LUC7L2: variants seen among roughly 807,000 people sequenced by gnomAD.
LUC7L2 encodes LUC7 like 2, pre-mRNA splicing factor.
LUC7L2 carries 25 observed loss-of-function variants against 52.8 expected under a neutral mutation model. The ratio of observed to expected loss-of-function variants is 0.47; its 90% confidence interval spans 0.34 to 0.66. The LOEUF is 0.66. Ranked by LOEUF, LUC7L2 falls within the 30% of genes least tolerant of loss-of-function variation. The probability of loss-of-function intolerance (pLI) is 0.01; values close to 1 mark genes in which losing one functional copy is unlikely to be tolerated. For missense variants in LUC7L2, 328 were observed against 497.8 expected, an observed-to-expected ratio of 0.66 and a Z score of 3.25; for synonymous variants, 144 against 160.9, an observed-to-expected ratio of 0.89 and a Z score of 0.80.
At chr7:139,388,688 C>A (rs1231594964) in intron 2 of LUC7L2, among the ~76,000 whole-genome samples, 1 of 150,384 alleles carries the variant, frequency 6.6e-6, no homozygotes, top group East Asian at 1.9e-4. Flanking sequence ...CCTGTTATTA[C>A]ATCAAAATCA....
rs747612253 is a variant in LUC7L2 at position 139,417,700 on chromosome 7, A to G, written c.972A>G (p.Arg324=). Reference sequence around the variant, plus strand: ...ACCAGAGAAGTCGGCACAGTTCTAGAGATAGGAGCAGAGAACGATCCAAGA... The same window carrying G: ...ACCAGAGAAGTCGGCACAGTTCTAGGGATAGGAGCAGAGAACGATCCAAGA... ...RSHQRSRHSS[R]DRSRERSKRR... Residue 324 remains arginine, a synonymous_variant, in exon 9 of 10, where the codon AGA becomes AGG. Coordinates refer to ENST00000354926, the MANE Select transcript of LUC7L2 (RefSeq NM_016019.5). 1 of 1,614,188 alleles carries G rather than the reference A, an allele frequency of 6.2e-7. No homozygotes were observed. Among genetic ancestry groups the G allele is most frequent in the South Asian group, 1.1e-5 (1 of 91,086 alleles).
chr7:139,383,492 A>G (rs1801150313), intron 2 of LUC7L2, among the ~76,000 whole-genome samples: 1 of 151,308 alleles, frequency 6.6e-6, no homozygotes, highest in Admixed American at 6.6e-5. Flanking sequence ...GCTCACTTCA[A>G]CCTCTGCCTC....
chr7:139,421,257 T>TGGTA (rs1211165245), intron 9 of LUC7L2, among the ~76,000 whole-genome samples: 1 of 152,232 alleles, frequency 6.6e-6, no homozygotes. Flanking sequence ...TTCAGGTTCT[T>TGGTA]GGTAGTGCCT....
At chr7:139,391,432 C>A (rs775477215) in intron 2 of LUC7L2, among the ~76,000 whole-genome samples, 2 of 152,190 alleles carry the variant, frequency 1.3e-5, no homozygotes, top group African/African-American at 4.8e-5. Context: ...TTTATATATT[C>A]ATTAACATAT....
intron 2 of LUC7L2, among the ~76,000 whole-genome samples, chr7:139,384,391 G>A (rs1038584473): frequency 4.6e-5 from 7 of 151,862 alleles, no homozygotes; most frequent in African/African-American, 1.2e-4. Flanking sequence ...TCAGCCTCCC[G>A]AGTAGCTGGC....
chr7:139,416,310 G>C (rs1795613961), intron 8 of LUC7L2: 1 of 151,470 alleles, frequency 6.6e-6, no homozygotes, highest in South Asian at 2.1e-4. Flanking sequence ...TTGTGACCTG[G>C]TGGAGGCTAT....
rs944290657 is a variant in LUC7L2 at position 139,415,216 on chromosome 7, A to G, written c.810-2322A>G. ...CATGAGTCACCATGTCCAGCAATAG[A>G]TCTTTTTTTTTTTTCTTAACCACCT... is the stretch of plus-strand genomic sequence containing the variant. On this transcript the variant is annotated intron_variant, in intron 8 of 9. Coordinates refer to ENST00000354926, the MANE Select transcript of LUC7L2 (RefSeq NM_016019.5). Among the ~76,000 whole-genome samples, 40 of 145,572 alleles carry G rather than the reference A, an allele frequency of 2.7e-4. 1 individual carries two copies. Among genetic ancestry groups the G allele is most frequent in the Admixed American group, 1.8e-3 (27 of 14,992 alleles).
intron 2 of LUC7L2, among the ~76,000 whole-genome samples, chr7:139,382,975 G>T (rs1288259393): frequency 1.3e-5 from 2 of 151,950 alleles, no homozygotes; most frequent in African/African-American, 4.8e-5. Flanking sequence ...GCCCAGGCTG[G>T]AGTGCACTGG....
At chr7:139,377,130 A>G (rs758547431) in intron 2 of LUC7L2, among the ~76,000 whole-genome samples, 3 of 152,252 alleles carry the variant, frequency 2.0e-5, no homozygotes, top group African/African-American at 4.8e-5. Context: ...AAAGCAAGAA[A>G]TCCAGTTTCT....
chr7:139,345,483 G>T, intron 1 of LUC7L2: 2 of 1,613,890 alleles, frequency 1.2e-6, no homozygotes, highest in South Asian at 2.2e-5. Flanking sequence ...AAGAATTTCT[G>T]ACTTGCTGCT....
intron 4 of LUC7L2, among the ~76,000 whole-genome samples, chr7:139,402,943 C>T (rs892560664): frequency 6.6e-6 from 1 of 152,186 alleles, no homozygotes; most frequent in African/African-American, 2.4e-5. Flanking sequence ...TTTACCCCCA[C>T]CCAGCATCTC....
chr7:139,414,275 T>C (rs1421114162), intron 8 of LUC7L2, among the ~76,000 whole-genome samples: 2 of 152,250 alleles, frequency 1.3e-5, no homozygotes, highest in Non-Finnish European at 1.5e-5. Flanking sequence ...TTACCAAAGC[T>C]TTTACATAGG....
At chr7:139,385,895 G>A (rs189748428) in intron 2 of LUC7L2, among the ~76,000 whole-genome samples, 1 of 152,298 alleles carries the variant, frequency 6.6e-6, no homozygotes, top group Admixed American at 6.5e-5. Flanking sequence ...AAGGAAACAA[G>A]TGTGTTCTCC....
At position 139,423,123 on chromosome 7, in the gene LUC7L2, T is replaced by A. The variant is rs1051710184; in HGVS notation, c.*783T>A. ...AGGCTACACCCTTATTGTAAAAAAATAATAATAATAAAATGAAAGAAACAA... is the reference window on the plus strand; with the variant it reads ...AGGCTACACCCTTATTGTAAAAAAAAAATAATAATAAAATGAAAGAAACAA... On this transcript the variant is annotated 3_prime_UTR_variant, in exon 10 of 10. Coordinates refer to ENST00000354926, the MANE Select transcript of LUC7L2 (RefSeq NM_016019.5). The A allele has an allele frequency of 5.0e-6, 2 of 397,288 alleles. No homozygotes were observed. The highest frequency in any genetic ancestry group is 8.9e-6 in the Non-Finnish European group (2 of 224,946). 24.6% of individuals were successfully genotyped at this position (397,288 alleles called of 1,614,324 possible).
intron 6 of LUC7L2, among the ~76,000 whole-genome samples, chr7:139,409,228 G>C (rs181958270): frequency 6.6e-6 from 1 of 151,646 alleles, no homozygotes; most frequent in African/African-American, 2.4e-5. Flanking sequence ...GATCACTGGA[G>C]CCCAGGAGTT....
intron 2 of LUC7L2, among the ~76,000 whole-genome samples, chr7:139,380,999 C>A (rs766413606): frequency 6.6e-5 from 10 of 152,104 alleles, no homozygotes; most frequent in Non-Finnish European, 1.5e-5. Context: ...TATGTGTGTT[C>A]AAAATTCAGA....
chr7:139,384,160 C>T (rs1355961045), intron 2 of LUC7L2, among the ~76,000 whole-genome samples: 1 of 152,138 alleles, frequency 6.6e-6, no homozygotes, highest in Non-Finnish European at 1.5e-5. Flanking sequence ...TTATTTTGGG[C>T]TGCCTTGGTA....
At chr7:139,365,223 A>G (rs1303876711) in intron 1 of LUC7L2, among the ~76,000 whole-genome samples, 1 of 152,252 alleles carries the variant, frequency 6.6e-6, no homozygotes, top group Non-Finnish European at 1.5e-5. Flanking sequence ...CCAGAAAACA[A>G]TAAAAGTATC....
chr7:139,383,871 C>G (rs1794075568), intron 2 of LUC7L2, among the ~76,000 whole-genome samples: 1 of 149,596 alleles, frequency 6.7e-6, no homozygotes, highest in South Asian at 2.1e-4. Context: ...GTAGCTGGGA[C>G]TACAGGTGCC....
Sources: gnomAD v4.1 joint callset for allele counts (sites outside exome capture counted in the v4.1 genomes callset) on GRCh38, gnomAD v4.1.1 for gene constraint, MANE v1.5 for transcripts, NCBI Gene and HGNC (gene_info 2026-07-23, HGNC 2026-07-21) for gene names.